The following SORCS3 variants were observed in gnomAD, a reference collection of about 807,000 sequenced individuals.
SORCS3 encodes the protein sortilin related VPS10 domain containing receptor 3.
A neutral mutation model predicts 146.3 loss-of-function variants in SORCS3; 57 were observed. The ratio of observed to expected loss-of-function variants is 0.39; its 90% CI spans 0.31 to 0.49. SORCS3 has a LOEUF of 0.49. Among genes scored for constraint, SORCS3 ranks in the 20% least tolerant of loss-of-function variants. The probability of loss-of-function intolerance (pLI) is 0.92; values close to 1 mark genes in which losing one functional copy is unlikely to be tolerated. For synonymous variants in SORCS3, 653 were observed against 618.5 expected (o/e 1.06, Z -0.83); for missense variants, 1,341 against 1,575.5 (o/e 0.85, Z 2.52).
chr10:104,787,769 G>A (rs1444976519), intron 1 of SORCS3, among the ~76,000 whole-genome samples: 1 of 152,110 alleles, frequency 6.6e-6, no homozygotes, highest in Admixed American at 6.5e-5. Context: ...TACCCAGCCC[G>A]CTACCCTGGC....
intron 3 of SORCS3, among the ~76,000 whole-genome samples, chr10:104,934,133 A>C (rs532891842): frequency 6.6e-6 from 1 of 151,700 alleles, no homozygotes; most frequent in East Asian, 1.9e-4. Flanking sequence ...CCACTATTTC[A>C]CTCCTATTTT....
intron 1 of SORCS3, among the ~76,000 whole-genome samples, chr10:104,669,326 G>A (rs538241251): frequency 3.3e-5 from 5 of 152,196 alleles, no homozygotes; most frequent in South Asian, 4.2e-4. Flanking sequence ...TTGTACCAGC[G>A]TCACCGCCAT....
chr10:104,837,141 T>C (rs985013514), intron 1 of SORCS3, among the ~76,000 whole-genome samples: 1 of 152,156 alleles, frequency 6.6e-6, no homozygotes, highest in African/African-American at 2.4e-5. Flanking sequence ...GTACCTGCCA[T>C]GTGTCAGCCG....
intron 3 of SORCS3, among the ~76,000 whole-genome samples, chr10:104,917,886 A>G (rs974641170): frequency 2.0e-5 from 3 of 152,202 alleles, no homozygotes; most frequent in Non-Finnish European, 4.4e-5. Context: ...ATCCATTGAT[A>G]GACACTTAGG....
chr10:105,139,808 C>T (rs888957639), intron 8 of SORCS3, among the ~76,000 whole-genome samples: 1 of 152,116 alleles, frequency 6.6e-6, no homozygotes, highest in African/African-American at 2.4e-5. Context: ...TTGCAAAGGG[C>T]TTTATCACCA....
intron 1 of SORCS3, among the ~76,000 whole-genome samples, chr10:104,748,817 C>T (rs1452747666): frequency 6.6e-6 from 1 of 151,408 alleles, no homozygotes; most frequent in East Asian, 1.9e-4. Flanking sequence ...CGTGCCATTG[C>T]ACTCCAGCCT....
intron 9 of SORCS3, among the ~76,000 whole-genome samples, chr10:105,152,085 A>G (rs1379983018): frequency 6.6e-6 from 1 of 152,188 alleles, no homozygotes; most frequent in East Asian, 1.9e-4. Context: ...TAATAAATCA[A>G]GAAACAAATA....
intron 3 of SORCS3, among the ~76,000 whole-genome samples, chr10:104,932,081 G>A (rs1451576823): frequency 1.3e-5 from 2 of 152,140 alleles, no homozygotes; most frequent in South Asian, 2.1e-4. Flanking sequence ...GGTCTCAGCC[G>A]CCCTGCCTTG....
chr10:105,180,793 C>T (rs1399843072), intron 14 of SORCS3, among the ~76,000 whole-genome samples: 1 of 152,116 alleles, frequency 6.6e-6, no homozygotes, highest in Non-Finnish European at 1.5e-5. Context: ...ATGGGCCTGC[C>T]TTCCCTACTT....
intron 1 of SORCS3, among the ~76,000 whole-genome samples, chr10:104,728,385 G>T (rs1459270588): frequency 6.6e-6 from 1 of 152,128 alleles, no homozygotes; most frequent in Non-Finnish European, 1.5e-5. Context: ...AGGAGACTTA[G>T]TTCTACTGCA....
chr10:104,796,511 G>C (rs2017557743), intron 1 of SORCS3, among the ~76,000 whole-genome samples: 1 of 151,506 alleles, frequency 6.6e-6, no homozygotes, highest in African/African-American at 2.4e-5. Flanking sequence ...GTATTGACTA[G>C]ACCTTAATGG....
At chr10:105,191,952 T>G (rs1417408532) in intron 14 of SORCS3, among the ~76,000 whole-genome samples, 1 of 152,188 alleles carries the variant, frequency 6.6e-6, no homozygotes, top group Non-Finnish European at 1.5e-5. Flanking sequence ...TAGACTACTT[T>G]CAAAGAGCTG....
chr10:105,132,049 A>T (rs74157448), intron 7 of SORCS3, among the ~76,000 whole-genome samples: 3,737 of 152,228 alleles, frequency 0.025, 153 homozygotes, highest in African/African-American at 0.085. Context: ...TCCCCTCCAC[A>T]TAGAGGTTTG....
intron 2 of SORCS3, among the ~76,000 whole-genome samples, chr10:104,874,413 T>C (rs1174707438): frequency 6.6e-6 from 1 of 152,194 alleles, no homozygotes; most frequent in Non-Finnish European, 1.5e-5. Context: ...CTTACTGTTA[T>C]AATAAACATC....
At chr10:104,768,797 C>T (rs965156544) in intron 1 of SORCS3, among the ~76,000 whole-genome samples, 4 of 152,186 alleles carry the variant, frequency 2.6e-5, no homozygotes, top group Non-Finnish European at 5.9e-5. Flanking sequence ...TAATTAGAGA[C>T]ACTCCTCCTC....
chr10:105,118,783 G>A (rs1305903007), intron 7 of SORCS3, among the ~76,000 whole-genome samples: 1 of 152,144 alleles, frequency 6.6e-6, no homozygotes, highest in African/African-American at 2.4e-5. Flanking sequence ...GAGATCTGTG[G>A]AACTTTGAAT....
intron 1 of SORCS3, among the ~76,000 whole-genome samples, chr10:104,749,294 G>A (rs377540473): frequency 6.7e-6 from 1 of 150,372 alleles, no homozygotes; most frequent in East Asian, 2.0e-4. Flanking sequence ...GCAATTTGAA[G>A]GATCTTGTCC....
At chr10:104,794,634 A>G (rs924113379) in intron 1 of SORCS3, among the ~76,000 whole-genome samples, 4 of 150,590 alleles carry the variant, frequency 2.7e-5, no homozygotes, top group Admixed American at 2.0e-4. Context: ...AGAGAGAGAG[A>G]GAGAGAGAGA....
intron 1 of SORCS3, among the ~76,000 whole-genome samples, chr10:104,810,286 G>T (rs2451475): frequency 2.0e-5 from 3 of 151,984 alleles, no homozygotes; most frequent in Non-Finnish European, 4.4e-5. Context: ...GGCCTGTCAC[G>T]CACTGGAGAT....
Sources: gnomAD v4.1 joint callset for allele counts (sites outside exome capture counted in the v4.1 genomes callset) on GRCh38, gnomAD v4.1.1 for gene constraint, MANE v1.5 for transcripts, NCBI Gene and HGNC (gene_info 2026-07-23, HGNC 2026-07-21) for gene names.